NCOA6: variants seen among roughly 807,000 people sequenced by gnomAD.
The protein encoded by NCOA6 is NRC RAP250.
In NCOA6, 49 loss-of-function variants were observed where a neutral mutation model predicts 171.4. The observed-to-expected ratio is 0.29, with a 90% CI of 0.23 to 0.36. The LOEUF (loss-of-function observed/expected upper bound fraction) is 0.36. NCOA6 is among the 10% of genes least tolerant of loss of function. The pLI, the probability that NCOA6 is intolerant of heterozygous loss-of-function variation, is 1.00. For synonymous variants in NCOA6, 910 were observed against 927.5 expected (o/e 0.98, Z 0.34); for missense variants, 2,248 against 2,554.5 (o/e 0.88, Z 2.59).
chr20:34,776,179 T>G, intron 4 of NCOA6, 114 bp downstream of exon 4: 1 of 1,354,260 alleles, frequency 7.4e-7, no homozygotes, highest in Non-Finnish European at 1.0e-6. Context: ...CATGAGTTGC[T>G]TGGCATTCTG....
In NCOA6 at chr20:34,742,616, T is replaced by C; in HGVS notation, c.3640A>G (p.Arg1214Gly). ...TQTSRPKTPNRASPRPYYPQT... is the reference protein window; with the variant it reads ...TQTSRPKTPNGASPRPYYPQT... ...GGATAATAGGGTCTGGGGCTGGCTC[T>C]GTTTGGTGTTTTGGGCCTAGATGTC... is the stretch of plus-strand genomic sequence containing the variant. The change falls in exon 11 of 15, where the codon AGA (arginine) becomes GGA (glycine). Residue 1214 changes from arginine to glycine, a missense_variant. Physicochemically the swap from Arg to Gly is moderately radical, Grantham distance 125. Around this residue, in one of 7 missense-constraint regions of NCOA6, gnomAD observed 352 missense variants for 419.1 expected, o/e 0.84. Coordinates refer to ENST00000359003, the MANE Select transcript of NCOA6 (RefSeq NM_014071.5). 6.2e-7 allele frequency: 1 copy of C among 1,614,194 alleles called. No individual in the cohort carries two copies. The highest frequency in any genetic ancestry group is 8.5e-7 in the Non-Finnish European group (1 of 1,180,032).
chr20:34,778,982 A>AAAGAC (rs2077434685), intron 3 of NCOA6, among the ~76,000 whole-genome samples: 1 of 45,188 alleles, frequency 2.2e-5, no homozygotes, highest in African/African-American at 7.0e-5. Flanking sequence ...AAAAAAAAAA[A>AAAGAC]AAGACAAGAC....
At position 34,764,379 on chromosome 20, in the gene NCOA6, G is replaced by A. The variant is rs563672315; in HGVS notation, c.514+4085C>T. ...TGGGATTACGGGTGTCAGCCACAGC[G>A]CCCGGCTGCCCAGCTACGTATTAAA... is the stretch of plus-strand genomic sequence containing the variant. On this transcript the variant is annotated intron_variant, in intron 5 of 14. Coordinates refer to ENST00000359003, the MANE Select transcript of NCOA6 (RefSeq NM_014071.5). 9.8e-4 allele frequency among the ~76,000 whole-genome samples: 149 copies of A among 152,228 alleles called. 1 individual carries two copies. The highest frequency in any genetic ancestry group is 3.2e-3 in the African/African-American group (135 of 41,580).
chr20:34,810,400 T>C (rs1320795583), intron 1 of NCOA6, among the ~76,000 whole-genome samples: 1 of 152,172 alleles, frequency 6.6e-6, no homozygotes, highest in Non-Finnish European at 1.5e-5. Flanking sequence ...ATGAAAAAAA[T>C]AAGTATTACA....
intron 4 of NCOA6, among the ~76,000 whole-genome samples, chr20:34,771,837 T>A (rs2077160302): frequency 1.3e-5 from 2 of 152,166 alleles, no homozygotes; most frequent in African/African-American, 4.8e-5. Flanking sequence ...CTACCAACCA[T>A]CTTATCCAAG....
At chr20:34,797,933 A>G (rs2078132603) in intron 1 of NCOA6, among the ~76,000 whole-genome samples, 1 of 152,012 alleles carries the variant, frequency 6.6e-6, no homozygotes, top group South Asian at 2.1e-4. Context: ...TCCCTTTACT[A>G]TTTGGGCTAT....
chr20:34,780,092 G>C (rs1372057183), intron 3 of NCOA6, among the ~76,000 whole-genome samples: 1 of 152,120 alleles, frequency 6.6e-6, no homozygotes, highest in African/African-American at 2.4e-5. Context: ...AGGAAGTTTG[G>C]GGATCCTGGT....
rs540167991 is a variant in NCOA6, at chr20:34,743,548, C to T, written c.2915-207G>A. 7.0e-4 allele frequency among the ~76,000 whole-genome samples: 106 copies of T among 152,212 alleles called. 1 individual carries two copies. The highest frequency in any genetic ancestry group is 2.4e-3 in the African/African-American group (99 of 41,542). On this transcript the variant is annotated intron_variant, in intron 10 of 14. Transcript: ENST00000359003. ...GTGCTTAAGGAAGCAAAAAGCAAAG[C>T]ATCAAAAAACCTGGAGCTCCTCGGT...
At position 34,743,231 on chromosome 20, in the gene NCOA6, G is replaced by T. The variant is rs752633928; in HGVS notation, c.3025C>A (p.Leu1009Met). 3.1e-6 allele frequency: 5 copies of T among 1,614,126 alleles called. No homozygotes were observed. Among genetic ancestry groups the T allele is most frequent in the Non-Finnish European group, 4.2e-6 (5 of 1,180,022 alleles). Residue 1009 changes from leucine to methionine, a missense_variant, in exon 11 of 15, where the codon CTG (leucine) becomes ATG (methionine). Coordinates refer to ENST00000359003, the MANE Select transcript of NCOA6 (RefSeq NM_014071.5). ...QPPQQQPQPQ[L>M]PQQQQPPPPS... The stretch of plus-strand genomic sequence containing the variant: ...GGTGGTGGCTGCTGCTGCTGAGGCA[G>T]TTGTGGCTGTGGCTGCTGCTGTGGT...
intron 9 of NCOA6, among the ~76,000 whole-genome samples, chr20:34,747,257 T>C (rs1319780068): frequency 6.6e-6 from 1 of 152,230 alleles, no homozygotes; most frequent in Non-Finnish European, 1.5e-5. Context: ...TACAAGGTAC[T>C]GTTCCTGTGA....
chr20:34,809,704 C>T (rs74931283), intron 1 of NCOA6, among the ~76,000 whole-genome samples: 1 of 152,294 alleles, frequency 6.6e-6, no homozygotes, highest in African/African-American at 2.4e-5. Flanking sequence ...CTGTGGCTCA[C>T]GCCTGTAATC....
intron 10 of NCOA6, among the ~76,000 whole-genome samples, chr20:34,746,072 G>C (rs1474419657): frequency 6.6e-6 from 1 of 151,936 alleles, no homozygotes; most frequent in Non-Finnish European, 1.5e-5. Context: ...CTATAAAAAA[G>C]ATCATCTTGT....
chr20:34,716,318 TG>T (rs1282947313), intron 14 of NCOA6, among the ~76,000 whole-genome samples: 1 of 151,600 alleles, frequency 6.6e-6, no homozygotes, highest in East Asian at 1.9e-4. Context: ...GAAGGCTTCA[TG>T]GAGGAGGTGG....
chr20:34,778,372 C>T lies in NCOA6; in HGVS notation c.236-1924G>A, dbSNP rs373863135. The stretch of plus-strand genomic sequence containing the variant: ...GAAACAGATAGTAGAATGGTGGTTT[C>T]CAGGGACTAGCAGCAAGGAGGAAAT... On this transcript the variant is annotated intron_variant, in intron 3 of 14. Transcript: ENST00000359003. Among the ~76,000 whole-genome samples, 11 of 151,996 alleles carry T rather than the reference C, an allele frequency of 7.2e-5. No individual in the cohort carries two copies. In the East Asian group the frequency reaches 2.1e-3, roughly 29 times the overall value.
At chr20:34,759,064 CCA>C in intron 5 of NCOA6, 131 bp from the exon 6 acceptor site, 1 of 972,118 alleles carries the variant, frequency 1.0e-6, no homozygotes, top group Non-Finnish European at 1.5e-6. Context: ...GCTCTGTTGC[CCA>C]GTCTGCCAAG....
chr20:34,780,884 G>A (rs2146186525), intron 3 of NCOA6, among the ~76,000 whole-genome samples: 1 of 149,810 alleles, frequency 6.7e-6, no homozygotes, highest in East Asian at 2.0e-4. Context: ...GAACTCCTGG[G>A]TTCAAGTGAT....
chr20:34,737,948 T>C (rs1568733685), intron 11 of NCOA6, among the ~76,000 whole-genome samples: 2 of 152,198 alleles, frequency 1.3e-5, no homozygotes, highest in Non-Finnish European at 2.9e-5. Flanking sequence ...GCCCAGGCTG[T>C]AGTGCAATGG....
Position 34,719,904 on chromosome 20 carries a change from GTA to G in NCOA6, c.6149-4541_6149-4540del, listed in dbSNP as rs1193488330. 3.3e-5 allele frequency among the ~76,000 whole-genome samples: 5 copies of G among 152,186 alleles called. No individual in the cohort carries two copies. In the East Asian group the frequency reaches 9.6e-4, roughly 29 times the overall value. On this transcript the variant is annotated intron_variant, in intron 14 of 14. Coordinates refer to ENST00000359003, the MANE Select transcript of NCOA6 (RefSeq NM_014071.5). ...ATGTATGTTCACTTGCATATCTACAGTAATACTTCTGTTTTAATTCAGTATAT... is the reference window on the plus strand; with the variant it reads ...ATGTATGTTCACTTGCATATCTACAGATACTTCTGTTTTAATTCAGTATAT...
At chr20:34,716,416 T>C (rs1988608273) in intron 14 of NCOA6, among the ~76,000 whole-genome samples, 1 of 152,154 alleles carries the variant, frequency 6.6e-6, no homozygotes, top group Non-Finnish European at 1.5e-5. Flanking sequence ...GTACTATCAG[T>C]GTTTTAACTT....
Sources: allele counts gnomAD v4.1 joint callset (sites outside exome capture counted in the v4.1 genomes callset), GRCh38; gene constraint gnomAD v4.1.1; regional missense constraint gnomAD v4.1.1; transcripts MANE v1.5; gene names NCBI Gene and HGNC (gene_info 2026-07-23, HGNC 2026-07-21).